PIAS2: variants seen among roughly 807,000 people sequenced by gnomAD.
The protein encoded by PIAS2 is protein inhibitor of activated STAT 2.
Under a neutral mutation model 69.7 loss-of-function variants are expected in PIAS2, and 19 were observed. That is an observed-to-expected ratio of 0.27 (90% CI 0.19 to 0.40). PIAS2 has a LOEUF of 0.40. PIAS2 is among the 10% of genes least tolerant of loss of function. The probability of loss-of-function intolerance (pLI) is 1.00; values close to 1 mark genes in which losing one functional copy is unlikely to be tolerated. For missense variants in PIAS2, 624 were observed against 757.0 expected, an observed-to-expected ratio of 0.82 and a Z score of 2.06; for synonymous variants, 261 against 263.2, an observed-to-expected ratio of 0.99 and a Z score of 0.08.
intron 2 of PIAS2, among the ~76,000 whole-genome samples, chr18:46,875,843 C>G (rs576993323): frequency 6.6e-6 from 1 of 152,188 alleles, no homozygotes; most frequent in Non-Finnish European, 1.5e-5. Context: ...GTCCTCCAGC[C>G]GACCAGGCAT....
chr18:46,859,754 G>A (rs1013682487), intron 3 of PIAS2, among the ~76,000 whole-genome samples: 1 of 152,180 alleles, frequency 6.6e-6, no homozygotes, highest in Admixed American at 6.6e-5. Flanking sequence ...TGTGCTTGAT[G>A]CCCTTGTAGG....
intron 1 of PIAS2, among the ~76,000 whole-genome samples, chr18:46,899,415 A>T (rs1356314164): frequency 6.6e-6 from 1 of 152,224 alleles, no homozygotes; most frequent in East Asian, 1.9e-4. Flanking sequence ...AACACACTCA[A>T]TGAAAGTGAA....
Position 46,855,901 on chromosome 18 carries a change from T to C in PIAS2, c.585-286A>G, listed in dbSNP as rs565792484. On this transcript the variant is annotated intron_variant, in intron 3 of 13. Transcript: ENST00000585916. ...TCAATAGACATCAAACTTGGTAACA[T>C]GCAAGGAAGCAGCCTAAGTTCGGAA... Among the ~76,000 whole-genome samples, 63 of 151,942 alleles carry C rather than the reference T, an allele frequency of 4.1e-4. No individual in the cohort carries two copies. The South Asian group carries it at 6.4e-3, about 16-fold the overall frequency.
chr18:46,881,336 TTCTGATTAAATAAA>T (rs2052216253), intron 2 of PIAS2, among the ~76,000 whole-genome samples: 1 of 152,232 alleles, frequency 6.6e-6, no homozygotes, highest in Non-Finnish European at 1.5e-5. Flanking sequence ...TTCTATTTTA[TTCTGATTAAATAAA>T]TCTGATTAAA....
chr18:46,873,379 TAA>T (rs1384418695), intron 2 of PIAS2, among the ~76,000 whole-genome samples: 2 of 152,142 alleles, frequency 1.3e-5, no homozygotes, highest in African/African-American at 4.8e-5. Context: ...AAGGCTGATT[TAA>T]GAGAGACCCT....
At chr18:46,829,237 C>A (rs1427571721) in intron 10 of PIAS2, among the ~76,000 whole-genome samples, 2 of 152,118 alleles carry the variant, frequency 1.3e-5, no homozygotes, top group South Asian at 4.1e-4. Flanking sequence ...GATGAGTATA[C>A]ATTCTAGGTA....
intron 3 of PIAS2, among the ~76,000 whole-genome samples, chr18:46,861,779 G>T (rs1319034079): frequency 6.6e-6 from 1 of 152,106 alleles, no homozygotes; most frequent in African/African-American, 2.4e-5. Flanking sequence ...CTAAGAAACT[G>T]TAACAGATTG....
chr18:46,842,056 T>C (rs2145194785), intron 8 of PIAS2, among the ~76,000 whole-genome samples: 1 of 151,930 alleles, frequency 6.6e-6, no homozygotes, highest in Admixed American at 6.6e-5. Context: ...TGGCGAAAGA[T>C]CTCTACAAAA....
At position 46,807,383 on chromosome 18, in the gene PIAS2, A is replaced by ATATATATATATATATATATTTTTT. The variant is rs869149927; in HGVS notation, c.*5049_*5050insAAAAAATATATATATATATATATA. ...TATATATATATATATATATATATAT[A>ATATATATATATATATATATTTTTT]TTTTTTTTTTTTTTTTTTTTTTTTT... On this transcript the variant is annotated 3_prime_UTR_variant, in exon 14 of 14. Transcript: ENST00000585916. 1 of 11,600 alleles carries ATATATATATATATATATATTTTTT rather than the reference A, an allele frequency of 8.6e-5. No homozygotes were observed. The highest frequency in any genetic ancestry group is 5.4e-4 in the African/African-American group (1 of 1,846). 0.7% of individuals were successfully genotyped at this position (11,600 alleles called of 1,614,324 possible). A position where few individuals can be genotyped will look rare whatever the true frequency, so the allele number is the denominator to read the frequency against.
In PIAS2 at chr18:46,890,881, T is replaced by C; in HGVS notation, c.198A>G (p.Pro66=). 1 of 1,614,220 alleles carries C rather than the reference T, an allele frequency of 6.2e-7. No individual in the cohort carries two copies. The highest frequency in any genetic ancestry group is 8.5e-7 in the Non-Finnish European group (1 of 1,180,044). The change falls in exon 2 of 14, where the codon CCA becomes CCG. Residue 66 remains proline, a synonymous_variant. Coordinates refer to ENST00000585916, the MANE Select transcript of PIAS2 (RefSeq NM_004671.5). ...KIRELYRRRY[P]RTLEGLSDLS... is the part of the protein sequence containing the mutation. ...AATCAGAAAGTCCTTCAAGAGTTCGTGGATATCGGCGTCTATACAATTCTC... is the reference window on the plus strand; with the variant it reads ...AATCAGAAAGTCCTTCAAGAGTTCGCGGATATCGGCGTCTATACAATTCTC...
intron 1 of PIAS2, among the ~76,000 whole-genome samples, chr18:46,893,714 A>G (rs1357097750): frequency 6.6e-6 from 1 of 152,214 alleles, no homozygotes; most frequent in East Asian, 1.9e-4. Flanking sequence ...AAAAACTTCA[A>G]GCCAGCAATC....
At chr18:46,855,764 A>G (rs1410759588) in intron 3 of PIAS2, 149 bp from the exon 4 acceptor site, 1 of 658,334 alleles carries the variant, frequency 1.5e-6, no homozygotes, top group African/African-American at 1.8e-5. Flanking sequence ...ATAAGCCTTA[A>G]TGAAATCACT....
chr18:46,821,683 T>C (rs1167603051), intron 11 of PIAS2, among the ~76,000 whole-genome samples: 4 of 152,114 alleles, frequency 2.6e-5, no homozygotes, highest in African/African-American at 9.7e-5. Flanking sequence ...GAAATAAAAA[T>C]GCTGGCTACC....
intron 1 of PIAS2, chr18:46,916,955 C>G (rs1053897746): frequency 2.6e-5 from 26 of 985,508 alleles, no homozygotes; most frequent in Admixed American, 1.2e-4. Flanking sequence ...ACACGTACAC[C>G]CCGGTGAAGG....
At chr18:46,853,275 CTT>C (rs59385589) in intron 5 of PIAS2, among the ~76,000 whole-genome samples, 9 of 138,760 alleles carry the variant, frequency 6.5e-5, no homozygotes, top group African/African-American at 1.3e-4. Flanking sequence ...ACCTGAGAGC[CTT>C]TTTTTTTTTT....
intron 2 of PIAS2, among the ~76,000 whole-genome samples, chr18:46,870,653 A>G (rs2050219971): frequency 6.7e-6 from 1 of 148,174 alleles, no homozygotes; most frequent in African/African-American, 2.5e-5. Context: ...AAGGAACTCG[A>G]GTCATTATTA....
intron 1 of PIAS2, among the ~76,000 whole-genome samples, chr18:46,902,116 A>G (rs983332666): frequency 3.3e-5 from 5 of 152,216 alleles, no homozygotes; most frequent in Non-Finnish European, 7.3e-5. Flanking sequence ...TTTATACACT[A>G]AAAATGAACA....
intron 1 of PIAS2, chr18:46,917,027 AT>A: frequency 1.0e-6 from 1 of 987,318 alleles, no homozygotes; most frequent in Non-Finnish European, 1.2e-6. Flanking sequence ...TCGGGTCCCC[AT>A]GTGCCCCTCC....
intron 3 of PIAS2, among the ~76,000 whole-genome samples, chr18:46,863,653 CA>C (rs1196865125): frequency 7.2e-5 from 11 of 152,138 alleles, no homozygotes; most frequent in Non-Finnish European, 1.0e-4. Context: ...ATCTAAAAGA[CA>C]TTGAGGTTTT....
Sources: gnomAD v4.1 joint callset for allele counts (sites outside exome capture counted in the v4.1 genomes callset) on GRCh38, gnomAD v4.1.1 for gene constraint, MANE v1.5 for transcripts, NCBI Gene and HGNC (gene_info 2026-07-23, HGNC 2026-07-21) for gene names.